Variants in HTT observed in about 807,000 individuals in gnomAD.
HTT encodes the protein huntingtin.
In HTT, 104 loss-of-function variants were observed where a neutral mutation model predicts 362.3. That is an observed-to-expected ratio of 0.29 (90% CI 0.24 to 0.34). The LOEUF (loss-of-function observed/expected upper bound fraction) is 0.34, where lower values mean the gene tolerates loss of function less well. Ranked by LOEUF, HTT falls within the 10% of genes least tolerant of loss-of-function variation. The probability of loss-of-function intolerance (pLI) is 1.00; values close to 1 mark genes in which losing one functional copy is unlikely to be tolerated. For synonymous variants in HTT, 1,577 were observed against 1,548.7 expected (o/e 1.02, Z -0.43); for missense variants, 3,301 against 3,928.6 (o/e 0.84, Z 4.27).
At chr4:3,236,494 C>T (rs887080831) in intron 64 of HTT, among the ~76,000 whole-genome samples, 16 of 152,174 alleles carry the variant, frequency 1.1e-4, no homozygotes, top group Non-Finnish European at 2.1e-4. Flanking sequence ...AGTGCCTGCC[C>T]ATCTCTCCTG....
intron 26 of HTT, among the ~76,000 whole-genome samples, chr4:3,153,632 G>A (rs1423925081): frequency 6.6e-6 from 1 of 152,144 alleles, no homozygotes; most frequent in Non-Finnish European, 1.5e-5. Flanking sequence ...AGTTTAAAAT[G>A]CTGCTTTGGG....
At chr4:3,138,893 G>A (rs1458188733) in intron 21 of HTT, among the ~76,000 whole-genome samples, 3 of 152,102 alleles carry the variant, frequency 2.0e-5, no homozygotes, top group South Asian at 4.1e-4. Flanking sequence ...GATTACAGGC[G>A]TGAGCTACCA....
intron 40 of HTT, among the ~76,000 whole-genome samples, chr4:3,193,566 G>T (rs187036141): frequency 6.6e-6 from 1 of 152,070 alleles, no homozygotes; most frequent in Non-Finnish European, 1.5e-5. Flanking sequence ...GTCTTATTGC[G>T]CTGATTTCCT....
At chr4:3,217,514 GGGCCAGAGGGCTGGGAACCAA>G (rs1265553385) in intron 51 of HTT, among the ~76,000 whole-genome samples, 96 of 152,318 alleles carry the variant, frequency 6.3e-4, no homozygotes, top group African/African-American at 2.2e-3. Context: ...CACAGAGAGT[GGGCCAGAGGGCTGGGAACCAA>G]GGCCAGAGCT....
At chr4:3,216,598 G>A (rs1436442526) in intron 51 of HTT, among the ~76,000 whole-genome samples, 4 of 152,182 alleles carry the variant, frequency 2.6e-5, no homozygotes, top group Non-Finnish European at 5.9e-5. Context: ...TTAGAGCAAC[G>A]GGCCCTGAAG....
At chr4:3,122,813 G>A (rs1476103461) in intron 9 of HTT, 76 bp from the exon 10 acceptor site, 25 of 1,179,118 alleles carry the variant, frequency 2.1e-5, no homozygotes, top group Non-Finnish European at 3.0e-5. Flanking sequence ...GTTGAATCAA[G>A]CTGTTTGAAG....
intron 2 of HTT, among the ~76,000 whole-genome samples, chr4:3,095,517 G>T (rs918700701): frequency 2.8e-4 from 42 of 151,964 alleles, no homozygotes; most frequent in African/African-American, 9.9e-4. Context: ...GAGACTGTGC[G>T]AGGGCGAGGG....
chr4:3,079,086 G>T (rs1712742386), intron 1 of HTT, among the ~76,000 whole-genome samples: 1 of 151,610 alleles, frequency 6.6e-6, no homozygotes, highest in Non-Finnish European at 1.5e-5. Context: ...AGTAGAGATG[G>T]GGTTTTGCCA....
At chr4:3,128,651 C>G (rs957720889) in intron 12 of HTT, 6 of 152,074 alleles carry the variant, frequency 3.9e-5, no homozygotes, top group Non-Finnish European at 7.4e-5. Context: ...TAGGTTTAAG[C>G]ACTTCTCATC....
intron 29 of HTT, among the ~76,000 whole-genome samples, chr4:3,164,428 G>T (rs1389334535): frequency 6.6e-6 from 1 of 152,190 alleles, no homozygotes; most frequent in Non-Finnish European, 1.5e-5. Flanking sequence ...GAGTTCTGTA[G>T]ATGTCTATTA....
At chr4:3,154,567 A>C in intron 27 of HTT, 148 bp downstream of exon 27, 1 of 1,114,804 alleles carries the variant, frequency 9.0e-7, no homozygotes, top group East Asian at 2.7e-5. Flanking sequence ...GGTTCAAGAT[A>C]TTAGAAACTA....
At chr4:3,183,114 G>A (rs766648016) in intron 37 of HTT, among the ~76,000 whole-genome samples, 6 of 152,194 alleles carry the variant, frequency 3.9e-5, no homozygotes, top group Admixed American at 1.3e-4. Context: ...ACTCCTGGGC[G>A]CAAGTGATCC....
At position 3,134,548 on chromosome 4, in the gene HTT, A is replaced by G; in HGVS notation, c.2633+8A>G. 6.2e-7 allele frequency: 1 copy of G among 1,609,628 alleles called. No homozygotes were observed. The highest frequency in any genetic ancestry group is 8.5e-7 in the Non-Finnish European group (1 of 1,177,828). ...TGCAGAGATTGACTTCAGGTAAGTG[A>G]GTCACATCCATTAGATTTCATGAAC... On this transcript the variant is annotated splice_region_variant and intron_variant, in intron 19 of 66. Transcript: ENST00000355072.
chr4:3,215,823 G>C (rs1020697545), intron 51 of HTT, among the ~76,000 whole-genome samples: 7 of 152,144 alleles, frequency 4.6e-5, no homozygotes, highest in Non-Finnish European at 1.0e-4. Flanking sequence ...ATTTTACTAG[G>C]AAAATGGTGG....
intron 29 of HTT, among the ~76,000 whole-genome samples, chr4:3,167,303 C>T (rs1261268439): frequency 1.3e-5 from 2 of 152,052 alleles, no homozygotes; most frequent in Non-Finnish European, 2.9e-5. Context: ...GAACTCCTGA[C>T]CTTGTGATCC....
intron 4 of HTT, among the ~76,000 whole-genome samples, chr4:3,104,127 T>C (rs561743467): frequency 3.2e-4 from 48 of 151,942 alleles, no homozygotes; most frequent in Admixed American, 1.9e-3. Context: ...TGAGACAGAG[T>C]CTTGCTTTCA....
intron 38 of HTT, among the ~76,000 whole-genome samples, chr4:3,187,397 C>T (rs962836262): frequency 2.6e-5 from 4 of 152,120 alleles, no homozygotes; most frequent in African/African-American, 4.8e-5. Flanking sequence ...CCTTGTGATC[C>T]GCCCGCCTCG....
chr4:3,094,968 G>A (rs1193674022), intron 2 of HTT, among the ~76,000 whole-genome samples: 1 of 151,482 alleles, frequency 6.6e-6, no homozygotes, highest in Non-Finnish European at 1.5e-5. Flanking sequence ...CCCAGACGAT[G>A]GGCGGCCGGG....
chr4:3,116,003 A>G, intron 7 of HTT, 82 bp from the exon 8 acceptor site: 1 of 1,276,990 alleles, frequency 7.8e-7, no homozygotes, highest in Non-Finnish European at 1.1e-6. Context: ...ATCTCTCAGG[A>G]TCTCTTCTTT....
Sources: gnomAD v4.1 joint callset for allele counts (sites outside exome capture counted in the v4.1 genomes callset) on GRCh38, gnomAD v4.1.1 for gene constraint, MANE v1.5 for transcripts, NCBI Gene and HGNC (gene_info 2026-07-23, HGNC 2026-07-21) for gene names.